ALDOA: variants seen among roughly 807,000 people sequenced by gnomAD.
The protein encoded by ALDOA is aldolase, fructose-bisphosphate A, also known as fructose-bisphosphate aldolase A.
Under a neutral mutation model 43.9 loss-of-function variants are expected in ALDOA, and 26 were observed. The observed-to-expected ratio is 0.59, with a 90% CI of 0.43 to 0.82. The LOEUF (loss-of-function observed/expected upper bound fraction) is 0.82. ALDOA is among the 40% of genes least tolerant of loss of function. The probability of loss-of-function intolerance (pLI) is 0.00; values close to 1 mark genes in which losing one functional copy is unlikely to be tolerated. For synonymous variants in ALDOA, 258 were observed against 222.6 expected (o/e 1.16, Z -1.42); for missense variants, 498 against 549.5 (o/e 0.91, Z 0.94).
chr16:30,068,762 G>A lies in ALDOA; in HGVS notation c.542-56G>A. On this transcript the variant is annotated intron_variant, in intron 5 of 9. Coordinates refer to ENST00000642816, the MANE Select transcript of ALDOA (RefSeq NM_001243177.4). ...CCAGAGCAGGTTTGGGTGCTGGGAG[G>A]AGTGGAAACCACATGCCCCTCCCCA... The A allele has an allele frequency of 1.2e-6, 2 of 1,614,200 alleles. 1 individual carries two copies. Among genetic ancestry groups the A allele is most frequent in the South Asian group, 2.2e-5 (2 of 91,090 alleles).
At chr16:30,068,453 A>T in intron 4 of ALDOA, 193 bp from the exon 5 acceptor site, 1 of 678,578 alleles carries the variant, frequency 1.5e-6, no homozygotes, top group Non-Finnish European at 2.7e-6. Context: ...GTGGGGGAAG[A>T]CTGGGGCTAA....
Position 30,066,585 on chromosome 16 carries a change from TTTTCC to T in ALDOA, c.-13-298_-13-294del, listed in dbSNP as rs2072113893. On this transcript the variant is annotated intron_variant, in intron 1 of 9. Transcript: ENST00000642816. ...TGGGCTTCTCCTTGCTCTCTTATATTTTTCCTAATGCCCCTTTCCTACCACCCGCC... is the reference window on the plus strand; with the variant it reads ...TGGGCTTCTCCTTGCTCTCTTATATTTAATGCCCCTTTCCTACCACCCGCC... Among the ~76,000 whole-genome samples, 8 of 152,286 alleles carry T rather than the reference TTTTCC, an allele frequency of 5.3e-5. No homozygotes were observed. The South Asian group carries it at 1.7e-3, about 32-fold the overall frequency.
At chr16:30,069,007 C>G (rs1160777403) in intron 6 of ALDOA, 29 bp downstream of exon 6, 1 of 1,613,972 alleles carries the variant, frequency 6.2e-7, no homozygotes, top group South Asian at 1.1e-5. Flanking sequence ...AATAGGCAAC[C>G]TCCTACCTCA....
intron 9 of ALDOA, 21 bp from the exon 10 acceptor site, chr16:30,070,096 T>G (rs571039346): frequency 6.2e-7 from 1 of 1,613,760 alleles, no homozygotes; most frequent in Non-Finnish European, 8.5e-7. Context: ...CCCTTCTCAC[T>G]CCACCCCTCT....
chr16:30,069,000 A>C (rs371424538), intron 6 of ALDOA, 22 bp downstream of exon 6: 193 of 1,613,994 alleles, frequency 1.2e-4, no homozygotes, highest in Non-Finnish European at 1.6e-4. Flanking sequence ...GGTCCTCAAT[A>C]GGCAACCTCC....
Position 30,067,657 on chromosome 16 carries a change from T to G in ALDOA, c.482T>G (p.Ile161Ser), listed in dbSNP as rs1453230387. The G allele has an allele frequency of 1.2e-6, 2 of 1,614,112 alleles. No individual in the cohort carries two copies. The highest frequency in any genetic ancestry group is 1.7e-6 in the Non-Finnish European group (2 of 1,180,028). The change falls in exon 4 of 10, where the codon ATC becomes AGC. Residue 161 changes from isoleucine (I) to serine (S), a missense_variant. Physicochemically the swap from Ile to Ser is moderately radical, Grantham distance 142. Coordinates refer to ENST00000642816, the MANE Select transcript of ALDOA (RefSeq NM_001243177.4). The part of the protein sequence containing the change: ...VIKSKGGVVG[I>S]KVDKGVVPLA... The stretch of plus-strand genomic sequence containing the variant: ...AAATCCAAGGGCGGTGTTGTGGGCA[T>G]CAAGGTAAGGGGAGGGCCTCCGGAC...
In ALDOA at chr16:30,066,908, G is replaced by C. The variant is rs146835556; in HGVS notation, c.11G>C (p.Arg4Pro). Residue 4 changes from arginine (R) to proline (P), a missense_variant, in exon 2 of 10, where the codon CGC becomes CCC. Physicochemically the swap from Arg to Pro is moderately radical, Grantham distance 103 (BLOSUM62 -2). Transcript: ENST00000642816. MAR[R>P]KPEGSSFNMT... is the part of the protein sequence containing the mutation. ...AGGCAAGGTGACCCCATGGCAAGGC[G>C]CAAGCCAGAAGGGTCCAGCTTCAAC... 4 of 1,550,348 alleles carry C rather than the reference G, an allele frequency of 2.6e-6. No individual in the cohort carries two copies. The highest frequency in any genetic ancestry group is 3.5e-6 in the Non-Finnish European group (4 of 1,146,812).
intron 9 of ALDOA, 43 bp downstream of exon 9, chr16:30,070,072 G>A (rs1252832447): frequency 1.2e-6 from 2 of 1,613,476 alleles, no homozygotes; most frequent in Non-Finnish European, 1.7e-6. Flanking sequence ...GGGTGGATGG[G>A]ACTCGGAGAA....
upstream of ALDOA, among the ~76,000 whole-genome samples, chr16:30,065,499 C>T (rs1177307388): frequency 2.0e-5 from 3 of 152,208 alleles, no homozygotes; most frequent in Non-Finnish European, 4.4e-5. Context: ...CCCCAGAGCG[C>T]GCCAGGCTGG....
chr16:30,064,505 G>A (rs976794166), upstream of ALDOA: 2 of 398,694 alleles, frequency 5.0e-6, no homozygotes, highest in Non-Finnish European at 4.4e-6. Flanking sequence ...CTGAAGCACC[G>A]GTGAGTGGGC....
chr16:30,066,854 C>T (rs1342808012), intron 1 of ALDOA, 31 bp from the exon 2 acceptor site: 1 of 1,540,796 alleles, frequency 6.5e-7, no homozygotes. Flanking sequence ...TCTTTACATT[C>T]TAAAATACTC....
chr16:30,066,643 T>G (rs1567321894), intron 1 of ALDOA, among the ~76,000 whole-genome samples: 1 of 152,272 alleles, frequency 6.6e-6, no homozygotes, highest in East Asian at 1.9e-4. Context: ...AAGCCTGACC[T>G]TGGGATGTCC....
At chr16:30,066,854 C>G (rs1342808012) in intron 1 of ALDOA, 31 bp from the exon 2 acceptor site, 11 of 1,540,796 alleles carry the variant, frequency 7.1e-6, no homozygotes, top group Non-Finnish European at 8.8e-7. Context: ...TCTTTACATT[C>G]TAAAATACTC....
chr16:30,069,172 T>G, intron 6 of ALDOA, 134 bp from the exon 7 acceptor site: 1 of 1,334,988 alleles, frequency 7.5e-7, no homozygotes, highest in Non-Finnish European at 1.1e-6. Context: ...GGCTCTTGTC[T>G]CCTGTAATCT....
At chr16:30,065,138 T>G (rs576738017), upstream of ALDOA, among the ~76,000 whole-genome samples, 2 of 152,294 alleles carry the variant, frequency 1.3e-5, no homozygotes, top group South Asian at 4.1e-4. Context: ...GGAACTCGGA[T>G]GGGGAGGTCT....
intron 4 of ALDOA, 180 bp from the exon 5 acceptor site, chr16:30,068,466 A>C (rs981357433): frequency 1.4e-6 from 1 of 705,712 alleles, no homozygotes; most frequent in Non-Finnish European, 2.6e-6. Context: ...GGGGCTAAAG[A>C]AGAGGAAAGA....
chr16:30,067,044 G>C lies in ALDOA; in HGVS notation c.141+6G>C, dbSNP rs920402964. 6.3e-7 allele frequency: 1 copy of C among 1,577,524 alleles called. No homozygotes were observed. The highest frequency in any genetic ancestry group is 1.2e-5 in the South Asian group (1 of 86,338). ...ACCAGACAGAGTTAGGAAAGGTACA[G>C]GGGCAGGCCTAGCAAAGGGAAGTTG... On this transcript the variant is annotated splice_donor_region_variant and intron_variant, in intron 2 of 9. Coordinates refer to ENST00000642816, the MANE Select transcript of ALDOA (RefSeq NM_001243177.4).
chr16:30,064,526 T>G, upstream of ALDOA: 1 of 398,596 alleles, frequency 2.5e-6, no homozygotes, highest in Non-Finnish European at 4.4e-6. Flanking sequence ...AGGGGCTCCC[T>G]CCCCATCAAT....
intron 1 of ALDOA, 125 bp from the exon 2 acceptor site, chr16:30,066,760 G>A: frequency 9.3e-7 from 1 of 1,073,764 alleles, no homozygotes; most frequent in Non-Finnish European, 1.3e-6. Flanking sequence ...TGGCTCCGGG[G>A]TTGCTGTGTG....
Sources: allele counts gnomAD v4.1 joint callset (sites outside exome capture counted in the v4.1 genomes callset), GRCh38; gene constraint gnomAD v4.1.1; transcripts MANE v1.5; gene names NCBI Gene and HGNC (gene_info 2026-07-23, HGNC 2026-07-21).